SDK1: variants seen among roughly 807,000 people sequenced by gnomAD.
SDK1 encodes protein sidekick-1.
Under a neutral mutation model 245.5 loss-of-function variants are expected in SDK1, and 157 were observed. The ratio of observed to expected loss-of-function variants is 0.64; its 90% confidence interval spans 0.56 to 0.73. The LOEUF (loss-of-function observed/expected upper bound fraction) is 0.73, where lower values mean the gene tolerates loss of function less well. Among genes scored for constraint, SDK1 ranks in the 30% least tolerant of loss-of-function variants. The pLI is 0.00. For synonymous variants in SDK1, 1,647 were observed against 1,278.5 expected (o/e 1.29, Z -6.15); for missense variants, 3,583 against 3,002.3 (o/e 1.19, Z -4.52).
intron 35 of SDK1, among the ~76,000 whole-genome samples, chr7:4,182,085 A>C (rs909294761): frequency 2.6e-4 from 40 of 152,214 alleles, no homozygotes; most frequent in African/African-American, 7.7e-4. Context: ...ACGCCCAGCT[A>C]ATTTTTTGTA....
At chr7:3,875,956 C>A (rs1328805902) in intron 5 of SDK1, among the ~76,000 whole-genome samples, 1 of 152,176 alleles carries the variant, frequency 6.6e-6, no homozygotes, top group African/African-American at 2.4e-5. Flanking sequence ...CCTGGCAGTT[C>A]TCTTGAGCAA....
intron 1 of SDK1, among the ~76,000 whole-genome samples, chr7:3,509,946 A>T (rs1404839026): frequency 6.6e-6 from 1 of 152,142 alleles, no homozygotes; most frequent in African/African-American, 2.4e-5. Context: ...CAGACTCATT[A>T]AATGAAGGTC....
chr7:3,417,221 T>A (rs771112600), intron 1 of SDK1, among the ~76,000 whole-genome samples: 3 of 152,146 alleles, frequency 2.0e-5, no homozygotes, highest in Non-Finnish European at 2.9e-5. Flanking sequence ...AGCTGCAGGC[T>A]GAGGTTCTAG....
chr7:3,591,847 T>C (rs1780885057), intron 1 of SDK1, among the ~76,000 whole-genome samples: 1 of 152,234 alleles, frequency 6.6e-6, no homozygotes, highest in Non-Finnish European at 1.5e-5. Flanking sequence ...AAATTAGTGA[T>C]TCTCAAACTT....
chr7:3,947,468 C>T (rs959757576), intron 5 of SDK1, among the ~76,000 whole-genome samples: 1 of 150,506 alleles, frequency 6.6e-6, no homozygotes, highest in Non-Finnish European at 1.5e-5. Context: ...ATATTTCTTT[C>T]TTCTACAGAT....
chr7:3,505,116 G>T (rs1782351421), intron 1 of SDK1, among the ~76,000 whole-genome samples: 1 of 152,128 alleles, frequency 6.6e-6, no homozygotes, highest in Admixed American at 6.5e-5. Flanking sequence ...TACTTCGTCA[G>T]AATAAAGTAG....
chr7:3,544,391 T>C (rs1882430), intron 1 of SDK1, among the ~76,000 whole-genome samples: 151,388 of 152,372 alleles, frequency 0.99, 75,214 homozygotes, highest in East Asian at 1. Flanking sequence ...ACAGGCAGCA[T>C]GGGGCCTGTA....
At chr7:3,527,562 G>C (rs1252770095) in intron 1 of SDK1, among the ~76,000 whole-genome samples, 4 of 152,176 alleles carry the variant, frequency 2.6e-5, no homozygotes, top group African/African-American at 4.8e-5. Context: ...TGAGTGGTAG[G>C]AGTTGAGGCT....
chr7:3,688,913 C>T (rs1240083709), intron 4 of SDK1, among the ~76,000 whole-genome samples: 1 of 152,176 alleles, frequency 6.6e-6, no homozygotes, highest in East Asian at 1.9e-4. Context: ...TCCCTCCCAC[C>T]TCCCCGACCC....
rs375439791 is a variant in SDK1 at position 4,241,055 on chromosome 7, A to T, written c.6131-738A>T. 1.8e-4 allele frequency among the ~76,000 whole-genome samples: 28 copies of T among 152,204 alleles called. No homozygotes were observed. The South Asian group carries it at 5.6e-3, about 30-fold the overall frequency. ...ATGTTGTTCGGTTTTTCAGAACTTT[A>T]TTTTTATTCATTTGATCTGTTAATA... On this transcript the variant is annotated intron_variant, in intron 42 of 44. Coordinates refer to ENST00000404826, the MANE Select transcript of SDK1 (RefSeq NM_152744.4).
chr7:4,122,373 G>C (rs529456043), intron 25 of SDK1, among the ~76,000 whole-genome samples: 3 of 152,280 alleles, frequency 2.0e-5, no homozygotes, highest in African/African-American at 7.2e-5. Context: ...ATGGTGAGTG[G>C]ACCTGATGGA....
intron 44 of SDK1, among the ~76,000 whole-genome samples, chr7:4,249,506 C>T (rs1787150009): frequency 6.6e-6 from 1 of 152,216 alleles, no homozygotes; most frequent in African/African-American, 2.4e-5. Context: ...AAGGTGCAGA[C>T]ATGCTCTCCA....
chr7:3,971,424 A>G, intron 11 of SDK1, 42 bp from the exon 12 acceptor site: 1 of 1,428,282 alleles, frequency 7.0e-7, no homozygotes, highest in Non-Finnish European at 9.8e-7. Flanking sequence ...GAAACTGTCA[A>G]ACTTGTCATT....
chr7:3,789,830 C>T (rs998653186), intron 4 of SDK1, among the ~76,000 whole-genome samples: 18 of 151,378 alleles, frequency 1.2e-4, no homozygotes, highest in South Asian at 8.4e-4. Context: ...AGCTGACCAG[C>T]GGAACGGGGA....
At chr7:3,792,951 T>C (rs551593076) in intron 4 of SDK1, among the ~76,000 whole-genome samples, 1 of 152,336 alleles carries the variant, frequency 6.6e-6, no homozygotes, top group South Asian at 2.1e-4. Context: ...CAATGAAATG[T>C]TAACTTTGTA....
chr7:4,228,201 C>G (rs1189179838), intron 40 of SDK1, among the ~76,000 whole-genome samples: 1 of 152,188 alleles, frequency 6.6e-6, no homozygotes, highest in African/African-American at 2.4e-5. Flanking sequence ...GAATATTTTG[C>G]AAAGTCTCTT....
At chr7:3,497,897 G>C (rs972106863) in intron 1 of SDK1, among the ~76,000 whole-genome samples, 1 of 152,158 alleles carries the variant, frequency 6.6e-6, no homozygotes, top group Admixed American at 6.5e-5. Flanking sequence ...AGCTATGTGG[G>C]CTATGAGGTT....
chr7:3,597,649 C>G lies in SDK1; in HGVS notation c.299-21431C>G, dbSNP rs186090024. 5.3e-4 allele frequency among the ~76,000 whole-genome samples: 80 copies of G among 152,284 alleles called. 1 individual carries two copies. Among genetic ancestry groups the G allele is most frequent in the African/African-American group, 1.8e-3 (75 of 41,544 alleles). On this transcript the variant is annotated intron_variant, in intron 1 of 44. Transcript: ENST00000404826. ...CTTAGTTTGATTAGGTCGCATTTAG[C>G]TCAGTGACTTCATTTTGGTTTGGTC...
In SDK1 at chr7:3,666,117, C is replaced by G. The variant is rs143394147; in HGVS notation, c.713+24012C>G. ...CTTTGTCCTTTATTCACCTCCTAAT[C>G]CAGTTAACCAGATGTTTCTGAAGGT... On this transcript the variant is annotated intron_variant, in intron 4 of 44. Coordinates refer to ENST00000404826, the MANE Select transcript of SDK1 (RefSeq NM_152744.4). 2.8e-4 allele frequency among the ~76,000 whole-genome samples: 43 copies of G among 152,284 alleles called. No individual in the cohort carries two copies. The East Asian group carries it at 4.8e-3, about 17-fold the overall frequency.
Sources: allele counts gnomAD v4.1 joint callset (sites outside exome capture counted in the v4.1 genomes callset), GRCh38; gene constraint gnomAD v4.1.1; transcripts MANE v1.5; gene names NCBI Gene and HGNC (gene_info 2026-07-23, HGNC 2026-07-21).